The following PRAP1 variants were observed in gnomAD, a reference collection of about 807,000 sequenced individuals.
PRAP1 encodes proline-rich acidic protein 1.
In PRAP1, 12 loss-of-function variants were observed where a neutral mutation model predicts 14.6. The ratio of observed to expected loss-of-function variants is 0.82; its 90% CI spans 0.53 to 1.33. The LOEUF is 1.33. Among genes scored for constraint, PRAP1 ranks in the 40% most tolerant of loss-of-function variants. The pLI is 0.00. For synonymous variants in PRAP1, 81 were observed against 80.3 expected (o/e 1.01, Z -0.04); for missense variants, 160 against 193.7 (o/e 0.83, Z 1.03).
Position 133,351,279 on chromosome 10 carries a change from T to G in PRAP1, c.76-102T>G. 7.5e-6 allele frequency: 4 copies of G among 535,768 alleles called. No individual in the cohort carries two copies. The highest frequency in any genetic ancestry group is 4.4e-5 in the East Asian group (1 of 22,852). 33.2% of individuals were successfully genotyped at this position (535,768 alleles called of 1,614,324 possible). On this transcript the variant is annotated intron_variant, in intron 2 of 4. Transcript: ENST00000433452. This position sits in a 1 kb window ranked among gnomAD's most constrained non-coding sequence, Gnocchi z 4.3. ...CCTGCCCCCACCCCCTGCAGCCACC[T>G]CCACCCCATGCAGCCCCAGGTGGGC...
chr10:133,351,854 G>T lies in PRAP1; in HGVS notation c.129-153G>T. ...GGAAGCCTGGCCGGGAGCACTGGGGGCCACTCATCACTGGCTCTTGAGAGA... is the reference window on the plus strand; with the variant it reads ...GGAAGCCTGGCCGGGAGCACTGGGGTCCACTCATCACTGGCTCTTGAGAGA... On this transcript the variant is annotated intron_variant, in intron 3 of 4. Transcript: ENST00000433452. This position sits in a 1 kb window ranked among gnomAD's most constrained non-coding sequence, Gnocchi z 4.3. 1 of 1,000,626 alleles carries T rather than the reference G, an allele frequency of 1.0e-6. No individual in the cohort carries two copies. The highest frequency in any genetic ancestry group is 1.5e-6 in the Non-Finnish European group (1 of 688,772). 62.0% of individuals were successfully genotyped at this position (1,000,626 alleles called of 1,614,324 possible).
intron 1 of PRAP1, among the ~76,000 whole-genome samples, chr10:133,348,670 C>T (rs941893266): frequency 2.1e-5 from 3 of 139,662 alleles, no homozygotes; most frequent in Non-Finnish European, 4.6e-5. Context: ...CCTGCCACCA[C>T]GCCTGGCTAA....
intron 1 of PRAP1, among the ~76,000 whole-genome samples, chr10:133,349,149 C>T (rs1300158093): frequency 1.3e-5 from 2 of 151,388 alleles, no homozygotes; most frequent in Non-Finnish European, 2.9e-5. Context: ...ACACCACACA[C>T]GCATGCACAC....
rs1848678265 is a variant in PRAP1 at position 133,351,495 on chromosome 10, G to A, written c.128+62G>A. On this transcript the variant is annotated intron_variant, in intron 3 of 4. Transcript: ENST00000433452. This position sits in a 1 kb window ranked among gnomAD's most constrained non-coding sequence, Gnocchi z 4.3. ...CCCTGAAGCTACAGCCCGTTCTGCT[G>A]GGCCCTTCCTGAACCTGGAGAGCAC... 1.5e-6 allele frequency: 2 copies of A among 1,344,838 alleles called. No homozygotes were observed. The highest frequency in any genetic ancestry group is 4.0e-5 in the Admixed American group (2 of 50,554). The allele number at this position is 1,344,838 out of a possible 1,614,324, so 83.3% of individuals were successfully genotyped here. A position where few individuals can be genotyped will look rare whatever the true frequency, so the allele number is the denominator to read the frequency against.
intron 1 of PRAP1, among the ~76,000 whole-genome samples, chr10:133,349,507 C>T (rs1848643236): frequency 6.6e-6 from 1 of 152,196 alleles, no homozygotes; most frequent in Non-Finnish European, 1.5e-5. Context: ...AACATATGCA[C>T]ACCCCCCACC....
rs1256962583 is a variant in PRAP1 at position 133,347,449 on chromosome 10, C to T, written c.8+24C>T. The T allele has an allele frequency of 6.9e-6, 11 of 1,602,542 alleles. No individual in the cohort carries two copies. In the East Asian group the frequency reaches 1.1e-4, roughly 16 times the overall value. On this transcript the variant is annotated intron_variant, in intron 1 of 4. Coordinates refer to ENST00000433452, the MANE Select transcript of PRAP1 (RefSeq NM_145202.5). This position sits in a 1 kb window ranked among gnomAD's most constrained non-coding sequence, Gnocchi z 5.0. ...AGGTAATGCCACCATCCCTGAGCCCCAATCCCCACCCCACCCAAACCTGGA... is the reference window on the plus strand; with the variant it reads ...AGGTAATGCCACCATCCCTGAGCCCTAATCCCCACCCCACCCAAACCTGGA...
In PRAP1 at chr10:133,351,087, G is replaced by C. The variant is rs2133405222; in HGVS notation, c.76-294G>C. Among the ~76,000 whole-genome samples, 1 of 152,294 alleles carries C rather than the reference G, an allele frequency of 6.6e-6. No homozygotes were observed. Among genetic ancestry groups the C allele is most frequent in the East Asian group, 1.9e-4 (1 of 5,184 alleles). Reference sequence around the variant, plus strand: ...GCCAGGGTTGGGAGTGCTAGGTCAGGGATACGGTGCCAGGTTACATCCCAG... The same window carrying C: ...GCCAGGGTTGGGAGTGCTAGGTCAGCGATACGGTGCCAGGTTACATCCCAG... On this transcript the variant is annotated intron_variant, in intron 2 of 4. Transcript: ENST00000433452. The surrounding 1 kb of genome is among the most constrained non-coding windows in gnomAD (Gnocchi z 4.3).
chr10:133,351,487 G>T lies in PRAP1; in HGVS notation c.128+54G>T, dbSNP rs986550500. 2.2e-6 allele frequency: 3 copies of T among 1,354,798 alleles called. No homozygotes were observed. In the Admixed American group the frequency reaches 5.9e-5, roughly 27 times the overall value. 83.9% of individuals were successfully genotyped at this position (1,354,798 alleles called of 1,614,324 possible). ...CACCCATTCCCTGAAGCTACAGCCC[G>T]TTCTGCTGGGCCCTTCCTGAACCTG... On this transcript the variant is annotated intron_variant, in intron 3 of 4. Transcript: ENST00000433452. This position sits in a 1 kb window ranked among gnomAD's most constrained non-coding sequence, Gnocchi z 4.3.
intron 2 of PRAP1, 143 bp downstream of exon 2, chr10:133,350,304 C>T: frequency 1.4e-6 from 1 of 700,476 alleles, no homozygotes; most frequent in East Asian, 2.7e-5. Flanking sequence ...ACGCTCATGA[C>T]TCTTGATGCC....
Position 133,352,415 on chromosome 10 carries a change from A to C in PRAP1, c.431A>C (p.Gln144Pro), listed in dbSNP as rs1848696715. 4 of 1,612,780 alleles carry C rather than the reference A, an allele frequency of 2.5e-6. No homozygotes were observed. The South Asian group carries it at 4.4e-5, about 18-fold the overall frequency. The change falls in exon 5 of 5, where the codon CAA (glutamine) becomes CCA (proline). Residue 144 changes from glutamine (Q) to proline (P), a missense_variant. By Grantham distance (76) the Gln-to-Pro change is moderately conservative. Coordinates refer to ENST00000433452, the MANE Select transcript of PRAP1 (RefSeq NM_145202.5). ...GTGCTCCTGGGACCGGAGGAAGACC[A>C]AGACCACATCTACCACCCCCAGTAG... ...HQVLLGPEED[Q>P]DHIYHPQ
In PRAP1 at chr10:133,347,477, C is replaced by A; in HGVS notation, c.8+52C>A. The A allele has an allele frequency of 6.3e-7, 1 of 1,576,038 alleles. No individual in the cohort carries two copies. Among genetic ancestry groups the A allele is most frequent in the South Asian group, 1.2e-5 (1 of 85,176 alleles). On this transcript the variant is annotated intron_variant, in intron 1 of 4. Coordinates refer to ENST00000433452, the MANE Select transcript of PRAP1 (RefSeq NM_145202.5). This position sits in a 1 kb window ranked among gnomAD's most constrained non-coding sequence, Gnocchi z 5.0. ...TCCCCACCCCACCCAAACCTGGAGG[C>A]CTGGCCCTTAGCCAGAGGGGGCCCA...
At chr10:133,352,185 T>C (rs2133407595) in intron 4 of PRAP1, 45 bp downstream of exon 4, 2 of 1,612,014 alleles carry the variant, frequency 1.2e-6, no homozygotes, top group Non-Finnish European at 1.7e-6. Context: ...TGGGGTTGAC[T>C]TGGACAGACC....
At position 133,352,152 on chromosome 10, in the gene PRAP1, G is replaced by A. The variant is rs760229227; in HGVS notation, c.262+12G>A. On this transcript the variant is annotated intron_variant, in intron 4 of 4. Coordinates refer to ENST00000433452, the MANE Select transcript of PRAP1 (RefSeq NM_145202.5). Reference sequence around the variant, plus strand: ...CCCCATCCTTCCAGGTGGGCACAAGGTCACAGCAGCAGAGTCCGCTCGTGG... The same window carrying A: ...CCCCATCCTTCCAGGTGGGCACAAGATCACAGCAGCAGAGTCCGCTCGTGG... The A allele has an allele frequency of 9.9e-6, 16 of 1,612,846 alleles. No individual in the cohort carries two copies. Among genetic ancestry groups the A allele is most frequent in the Non-Finnish European group, 1.4e-5 (16 of 1,179,918 alleles).
Position 133,352,412 on chromosome 10 carries a change from A to G in PRAP1, c.428A>G (p.Asp143Gly). ...NHQVLLGPEE[D>G]QDHIYHPQ is the part of the protein sequence containing the mutation. Reference sequence around the variant, plus strand: ...CAGGTGCTCCTGGGACCGGAGGAAGACCAAGACCACATCTACCACCCCCAG... The same window carrying G: ...CAGGTGCTCCTGGGACCGGAGGAAGGCCAAGACCACATCTACCACCCCCAG... The change falls in exon 5 of 5, where the codon GAC becomes GGC. Residue 143 changes from aspartate to glycine, a missense_variant. Asp to Gly is a moderately conservative substitution (Grantham distance 94, BLOSUM62 -1). Coordinates refer to ENST00000433452, the MANE Select transcript of PRAP1 (RefSeq NM_145202.5). 2 of 1,612,798 alleles carry G rather than the reference A, an allele frequency of 1.2e-6. No homozygotes were observed. Among genetic ancestry groups the G allele is most frequent in the Non-Finnish European group, 8.5e-7 (1 of 1,179,914 alleles).
intron 1 of PRAP1, among the ~76,000 whole-genome samples, chr10:133,348,242 CAA>C (rs1230999171): frequency 6.6e-6 from 1 of 152,148 alleles, no homozygotes; most frequent in Non-Finnish European, 1.5e-5. Context: ...AGTGCCCAGA[CAA>C]GAGCCCCTGC....
chr10:133,350,153 G>A lies in PRAP1; in HGVS notation c.67G>A (p.Ala23Thr). Reference protein sequence around the residue: ...VLLWEAGAVPAPKVPIKMQVK... With the variant: ...VLLWEAGAVPTPKVPIKMQVK... ...GCTGTGGGAGGCAGGTGCAGTCCCA[G>A]CACCCAAGGTAGGTGTGAGCCCCTC... Residue 23 changes from alanine (A) to threonine (T), a missense_variant, in exon 2 of 5, where the codon GCA (alanine) becomes ACA (threonine). Ala to Thr is a moderately conservative substitution (Grantham distance 58, BLOSUM62 0). Transcript: ENST00000433452. 2 of 1,613,338 alleles carry A rather than the reference G, an allele frequency of 1.2e-6. No homozygotes were observed. The highest frequency in any genetic ancestry group is 1.7e-6 in the Non-Finnish European group (2 of 1,179,758).
rs1848683212 is a variant in PRAP1, at chr10:133,351,786, C to T, written c.129-221C>T. Among the ~76,000 whole-genome samples, 1 of 152,184 alleles carries T rather than the reference C, an allele frequency of 6.6e-6. No individual in the cohort carries two copies. Among genetic ancestry groups the T allele is most frequent in the Non-Finnish European group, 1.5e-5 (1 of 68,024 alleles). On this transcript the variant is annotated intron_variant, in intron 3 of 4. Transcript: ENST00000433452. The surrounding 1 kb of genome is among the most constrained non-coding windows in gnomAD (Gnocchi z 4.3). ...CCCTTGGGACACTGCTCAACCAAGG[C>T]TCTGACCACTGCTCCCCACGCAGCC...
Position 133,352,629 on chromosome 10 carries a change from G to C in PRAP1, c.*189G>C, listed in dbSNP as rs192579833. 1,379 of 567,932 alleles carry C rather than the reference G, an allele frequency of 2.4e-3. 23 individuals carry two copies. Among genetic ancestry groups the C allele is most frequent in the African/African-American group, 0.024 (1,259 of 53,086 alleles). 35.2% of individuals were successfully genotyped at this position (567,932 alleles called of 1,614,324 possible). A position where few individuals can be genotyped will look rare whatever the true frequency, so the allele number is the denominator to read the frequency against. Reference sequence around the variant, plus strand: ...ACCTGAAATCAGGAGTTCCAGACCAGCCTGGGCAACATGGTGAAACCCCGT... The same window carrying C: ...ACCTGAAATCAGGAGTTCCAGACCACCCTGGGCAACATGGTGAAACCCCGT... On this transcript the variant is annotated 3_prime_UTR_variant, in exon 5 of 5. Transcript: ENST00000433452.
chr10:133,349,992 G>A, intron 1 of PRAP1, 103 bp from the exon 2 acceptor site: 2 of 994,702 alleles, frequency 2.0e-6, no homozygotes, highest in Non-Finnish European at 3.0e-6. Flanking sequence ...CGCTCCCAAG[G>A]AGGAACCCAG....
Sources: gnomAD v4.1 joint callset for allele counts (sites outside exome capture counted in the v4.1 genomes callset) on GRCh38, gnomAD v4.1.1 for gene constraint, Gnocchi (gnomAD v3.1) non-coding constraint, MANE v1.5 for transcripts, NCBI Gene and HGNC (gene_info 2026-07-23, HGNC 2026-07-21) for gene names.